Variants in KRT13 observed in about 807,000 individuals in gnomAD.
KRT13 encodes keratin 13, also known as keratin, type I cytoskeletal 13.
KRT13 carries 27 observed loss-of-function variants against 40.6 expected under a neutral mutation model. The observed-to-expected ratio is 0.67, with a 90% CI of 0.49 to 0.92. The LOEUF (loss-of-function observed/expected upper bound fraction) is 0.92, where lower values mean the gene tolerates loss of function less well. Ranked by LOEUF, KRT13 falls within the 40% of genes least tolerant of loss-of-function variation. KRT13 has a pLI of 0.00. For synonymous variants in KRT13, 266 were observed against 240.3 expected (o/e 1.11, Z -0.99); for missense variants, 605 against 611.5 (o/e 0.99, Z 0.11).
chr17:41,505,482 C>A lies in KRT13; in HGVS notation c.69G>T (p.Leu23=), dbSNP rs772208892. 1 of 1,614,252 alleles carries A rather than the reference C, an allele frequency of 6.2e-7. No individual in the cohort carries two copies. The highest frequency in any genetic ancestry group is 1.7e-5 in the Admixed American group (1 of 60,032). The change falls in exon 1 of 8, where the codon CTG becomes CTT. Residue 23 remains leucine, a synonymous_variant. Coordinates refer to ENST00000246635, the MANE Select transcript of KRT13 (RefSeq NM_153490.3). ...AGGTAGAGACACCACGGCCTCCTCC[C>A]AGCTGGCAAGAGCCACCCCCGAAAC... ...GGGFGGGSCQ[L]GGGRGVSTCS...
In KRT13 at chr17:41,503,313, C is replaced by G. The variant is rs1275585718; in HGVS notation, c.709G>C (p.Ala237Pro). ...MQIESLNEEL[A>P]YMKKNHEEEM... ...TCTTCATGGTTCTTCTTCATGTAGG[C>G]TAGCTCTTCATTCAGGCTCTCGATC... Residue 237 changes from alanine (A) to proline (P), a missense_variant, in exon 3 of 8, where the codon GCC becomes CCC. Transcript: ENST00000246635. The G allele has an allele frequency of 6.2e-7, 1 of 1,614,236 alleles. No individual in the cohort carries two copies. The highest frequency in any genetic ancestry group is 2.2e-5 in the East Asian group (1 of 44,882).
intron 6 of KRT13, chr17:41,501,998 C>T: frequency 7.0e-7 from 1 of 1,423,840 alleles, no homozygotes; most frequent in South Asian, 1.5e-5. Context: ...TTTGTCTTCC[C>T]TCTGGATCGC....
At position 41,505,184 on chromosome 17, in the gene KRT13, G is replaced by T. The variant is rs775411186; in HGVS notation, c.367C>A (p.Arg123Ser). The change falls in exon 1 of 8, where the codon CGC becomes AGC. Residue 123 changes from arginine (R) to serine (S), a missense_variant. Physicochemically the swap from Arg to Ser is moderately radical, Grantham distance 110. Coordinates refer to ENST00000246635, the MANE Select transcript of KRT13 (RefSeq NM_153490.3). ...DRLASYLEKVRALEEANADLE... is the reference protein window; with the variant it reads ...DRLASYLEKVSALEEANADLE... ...TCAGCGTTGGCCTCCTCCAGGGCGC[G>T]CACCTTCTCCAGGTAGGAAGCCAGG... The T allele has an allele frequency of 6.2e-7, 1 of 1,614,186 alleles. No individual in the cohort carries two copies. Among genetic ancestry groups the T allele is most frequent in the South Asian group, 1.1e-5 (1 of 91,086 alleles).
Position 41,501,599 on chromosome 17 carries a change from C to G in KRT13, c.1270+120G>C, listed in dbSNP as rs150020980. The G allele has an allele frequency of 1.5e-3, 2,297 of 1,502,804 alleles. 31 individuals are homozygous for G. The African/African-American group carries it at 0.028, about 19-fold the overall frequency. The allele number at this position is 1,502,804 out of a possible 1,614,324, so 93.1% of individuals were successfully genotyped here. A position where few individuals can be genotyped will look rare whatever the true frequency, so the allele number is the denominator to read the frequency against. ...GACCACTTCCACCCCAGCTCTCCCC[C>G]TCCCTACACTGGAGAGCCCAGCACT... On this transcript the variant is annotated intron_variant, in intron 7 of 7. Transcript: ENST00000246635.
chr17:41,505,248 A>G lies in KRT13; in HGVS notation c.303T>C (p.Thr101=). The part of the protein sequence containing the change: ...DFGACDGGLL[T]GNEKITMQNL... ...TCTGCATGGTGATCTTCTCATTGCC[A>G]GTGAGGAGGCCGCCATCACAAGCAC... Residue 101 remains threonine (T), a synonymous_variant, in exon 1 of 8, where the codon ACT becomes ACC. Coordinates refer to ENST00000246635, the MANE Select transcript of KRT13 (RefSeq NM_153490.3). The G allele has an allele frequency of 1.2e-6, 2 of 1,614,112 alleles. No homozygotes were observed. The highest frequency in any genetic ancestry group is 1.7e-6 in the Non-Finnish European group (2 of 1,180,014).
chr17:41,501,193 G>A lies in KRT13; in HGVS notation c.*63C>T. The A allele has an allele frequency of 1.6e-6, 2 of 1,230,702 alleles. No homozygotes were observed. Among genetic ancestry groups the A allele is most frequent in the Non-Finnish European group, 2.3e-6 (2 of 860,628 alleles). 76.2% of individuals were successfully genotyped at this position (1,230,702 alleles called of 1,614,324 possible). A position where few individuals can be genotyped will look rare whatever the true frequency, so the allele number is the denominator to read the frequency against. ...CCAGCAGCCCCTCCTCTCTCCTGCA[G>A]GGAACTGCCGGCTCTCTCCTCCTCT... On this transcript the variant is annotated 3_prime_UTR_variant, in exon 8 of 8. Coordinates refer to ENST00000246635, the MANE Select transcript of KRT13 (RefSeq NM_153490.3).
chr17:41,503,757 G>A (rs2144506099), intron 1 of KRT13, 32 bp from the exon 2 acceptor site: 1 of 1,569,858 alleles, frequency 6.4e-7, no homozygotes, highest in Non-Finnish European at 8.8e-7. Flanking sequence ...AACCTCTAGG[G>A]CATGGGTGTC....
chr17:41,501,734 A>G lies in KRT13; in HGVS notation c.1255T>C (p.Phe419Leu). The G allele has an allele frequency of 6.3e-7, 1 of 1,593,796 alleles. No homozygotes were observed. Among genetic ancestry groups the G allele is most frequent in the Non-Finnish European group, 8.6e-7 (1 of 1,169,534 alleles). ...GTTCCCTTACCTGCTGAGGAAGGGA[A>G]ACCAATCATCCTGGGAGAGAGGACA... Reference protein sequence around the residue: ...LEGQDAKMIGFPSSAGSVSPR... With the variant: ...LEGQDAKMIGLPSSAGSVSPR... Residue 419 changes from phenylalanine (F) to leucine (L), a missense_variant, in exon 7 of 8, where the codon TTC becomes CTC. Transcript: ENST00000246635.
intron 3 of KRT13, 81 bp downstream of exon 3, chr17:41,503,206 G>A: frequency 3.1e-6 from 5 of 1,601,116 alleles, no homozygotes; most frequent in Middle Eastern, 3.4e-4. Flanking sequence ...CACAGTGGAG[G>A]ACTGTGTCCA....
In KRT13 at chr17:41,502,232, T is replaced by C. The variant is rs1233595126; in HGVS notation, c.1244+142A>G. 2.5e-6 allele frequency: 4 copies of C among 1,585,832 alleles called. 1 individual carries two copies. The highest frequency in any genetic ancestry group is 2.3e-5 in the East Asian group (1 of 43,910). On this transcript the variant is annotated intron_variant, in intron 6 of 7. Transcript: ENST00000246635. ...GTTTAAAGGTGTTAACCCTGCAGCCTACCAAGGAAATGTCCCCGTAAAGTC... is the reference window on the plus strand; with the variant it reads ...GTTTAAAGGTGTTAACCCTGCAGCCCACCAAGGAAATGTCCCCGTAAAGTC...
rs779527087 is a variant in KRT13, at chr17:41,502,372, A to ACT, written c.1244_1244+1dup. ...CTAAGAAAGAGGCTGGAGAGGACCT[A>ACT]CTTGGCGTCCTGGCCCTCGAGCAGG... On this transcript the variant is annotated splice_donor_variant, in intron 6 of 7. Coordinates refer to ENST00000246635, the MANE Select transcript of KRT13 (RefSeq NM_153490.3). LOFTEE classifies it high-confidence loss of function. 6.2e-7 allele frequency: 1 copy of ACT among 1,614,158 alleles called. No individual in the cohort carries two copies. Among genetic ancestry groups the ACT allele is most frequent in the Non-Finnish European group, 8.5e-7 (1 of 1,180,030 alleles).
At position 41,501,599 on chromosome 17, in the gene KRT13, C is replaced by A. The variant is rs150020980; in HGVS notation, c.1270+120G>T. 1.7e-5 allele frequency: 26 copies of A among 1,502,688 alleles called. No individual in the cohort carries two copies. In the African/African-American group the frequency reaches 3.2e-4, roughly 18 times the overall value. The allele number at this position is 1,502,688 out of a possible 1,614,324, so 93.1% of individuals were successfully genotyped here. ...GACCACTTCCACCCCAGCTCTCCCC[C>A]TCCCTACACTGGAGAGCCCAGCACT... On this transcript the variant is annotated intron_variant, in intron 7 of 7. Transcript: ENST00000246635.
intron 1 of KRT13, chr17:41,503,946 T>C: frequency 1.8e-6 from 1 of 542,514 alleles, no homozygotes; most frequent in Non-Finnish European, 3.3e-6. Context: ...ATCAAAGCTG[T>C]CCTGGGCCAC....
At position 41,501,183 on chromosome 17, in the gene KRT13, C is replaced by T; in HGVS notation, c.*73G>A. ...AGCCTTGGGTCCAGCAGCCCCTCCT[C>T]TCTCCTGCAGGGAACTGCCGGCTCT... On this transcript the variant is annotated 3_prime_UTR_variant, in exon 8 of 8. Coordinates refer to ENST00000246635, the MANE Select transcript of KRT13 (RefSeq NM_153490.3). 2.7e-6 allele frequency: 3 copies of T among 1,129,188 alleles called. No homozygotes were observed. The highest frequency in any genetic ancestry group is 2.7e-5 in the South Asian group (2 of 75,156). 69.9% of individuals were successfully genotyped at this position (1,129,188 alleles called of 1,614,324 possible).
In KRT13 at chr17:41,503,698, G is replaced by C. The variant is rs764088068; in HGVS notation, c.523C>G (p.Arg175Gly). The C allele has an allele frequency of 1.9e-6, 3 of 1,613,952 alleles. No individual in the cohort carries two copies. The highest frequency in any genetic ancestry group is 1.3e-5 in the African/African-American group (1 of 74,892). Residue 175 changes from arginine (R) to glycine (G), a missense_variant, in exon 2 of 8, where the codon CGG becomes GGG. Physicochemically the swap from Arg to Gly is moderately radical, Grantham distance 125. Coordinates refer to ENST00000246635, the MANE Select transcript of KRT13 (RefSeq NM_153490.3). Reference protein sequence around the residue: ...KILTATIENNRVILEIDNARL... With the variant: ...KILTATIENNGVILEIDNARL... ...GCATTGTCAATCTCCAGGATGACCC[G>C]GTTGTTTTCAATGGTGGCGGTCAGG... is the stretch of plus-strand genomic sequence containing the variant.
Position 41,503,672 on chromosome 17 carries a change from G to A in KRT13, c.549C>T (p.Ala183=), listed in dbSNP as rs772668908. ...GCCTGAAGTCGTCCGCAGCCAGCCT[G>A]GCATTGTCAATCTCCAGGATGACCC... ...NNRVILEIDN[A]RLAADDFRLK... is the part of the protein sequence containing the mutation. The change falls in exon 2 of 8, where the codon GCC becomes GCT. Residue 183 remains alanine, a synonymous_variant. Coordinates refer to ENST00000246635, the MANE Select transcript of KRT13 (RefSeq NM_153490.3). 21 of 1,613,956 alleles carry A rather than the reference G, an allele frequency of 1.3e-5. No individual in the cohort carries two copies. The highest frequency in any genetic ancestry group is 1.7e-5 in the Non-Finnish European group (20 of 1,179,944).
Position 41,502,465 on chromosome 17 carries a change from T to C in KRT13, c.1153A>G (p.Asn385Asp). 3 of 1,614,240 alleles carry C rather than the reference T, an allele frequency of 1.9e-6. No homozygotes were observed. Among genetic ancestry groups the C allele is most frequent in the South Asian group, 1.1e-5 (1 of 91,090 alleles). Residue 385 changes from asparagine (N) to aspartate (D), a missense_variant, in exon 6 of 8, where the codon AAC (asparagine) becomes GAC (aspartate). By Grantham distance (23) the Asn-to-Asp change is conservative. Transcript: ENST00000246635. Reference sequence around the variant, plus strand: ...TCCAGCAGCATCTTGTACTCTTGGTTCTGGCACTCCATCTCACTGCGGAGC... The same window carrying C: ...TCCAGCAGCATCTTGTACTCTTGGTCCTGGCACTCCATCTCACTGCGGAGC... The part of the protein sequence containing the change: ...SELRSEMECQ[N>D]QEYKMLLDIK...
intron 6 of KRT13, 195 bp from the exon 7 acceptor site, chr17:41,501,939 G>C: frequency 6.8e-7 from 1 of 1,466,754 alleles, no homozygotes; most frequent in Non-Finnish European, 9.0e-7. Flanking sequence ...CTGTCTGTCT[G>C]TCTGAGAGGT....
chr17:41,504,599 C>T (rs552657836), intron 1 of KRT13: 7 of 187,046 alleles, frequency 3.7e-5, no homozygotes, highest in Admixed American at 3.2e-4. Context: ...GCCTCTCTCT[C>T]CCCCAACTTG....
Sources: gnomAD v4.1 joint callset for allele counts on GRCh38, gnomAD v4.1.1 for gene constraint, MANE v1.5 for transcripts, NCBI Gene and HGNC (gene_info 2026-07-23, HGNC 2026-07-21) for gene names.